NKX6-3: variants seen among roughly 807,000 people sequenced by gnomAD.
NKX6-3 encodes homeobox protein Nkx-6.3.
A neutral mutation model predicts 22.0 loss-of-function variants in NKX6-3; 17 were observed. That is an observed-to-expected ratio of 0.77 (90% CI 0.53 to 1.16). The LOEUF (loss-of-function observed/expected upper bound fraction) is 1.16. NKX6-3 is among the 50% of genes most tolerant of loss of function. The pLI is 0.00. For missense variants in NKX6-3, 363 were observed against 359.0 expected (o/e 1.01, Z -0.09); for synonymous variants, 177 against 167.2 (o/e 1.06, Z -0.45).
chr8:41,650,044 C>CA lies in NKX6-3; in HGVS notation c.382+66_382+67insT. ...GTGCAGGGTGCCCGGGAGGAGGCCCCTCCTCGTCCTCTGCCCCCCGGGGCC... is the reference window on the plus strand; with the variant it reads ...GTGCAGGGTGCCCGGGAGGAGGCCCCATCCTCGTCCTCTGCCCCCCGGGGCC... On this transcript the variant is annotated intron_variant, in intron 1 of 2. Transcript: ENST00000518699. 6 of 1,468,866 alleles carry CA rather than the reference C, an allele frequency of 4.1e-6. No individual in the cohort carries two copies. In the South Asian group the frequency reaches 6.8e-5, roughly 17 times the overall value. The allele number at this position is 1,468,866 out of a possible 1,614,324, so 91.0% of individuals were successfully genotyped here.
chr8:41,649,561 A>G (rs1804273908), intron 1 of NKX6-3, among the ~76,000 whole-genome samples: 1 of 152,148 alleles, frequency 6.6e-6, no homozygotes, highest in Non-Finnish European at 1.5e-5. Flanking sequence ...TCCCCGAGAC[A>G]GGCTACTTGG....
Position 41,646,663 on chromosome 8 carries a change from C to A in NKX6-3, c.584G>T (p.Arg195Leu). The change falls in exon 3 of 3, where the codon CGG becomes CTG. Residue 195 changes from arginine (R) to leucine (L), a missense_variant. Around this residue, in one of 3 missense-constraint regions of NKX6-3, gnomAD observed 169 missense variants for 155.8 expected, o/e 1.08. Transcript: ENST00000518699. ...CGAGGGCTCCAGGGCGCTCTTCTTC[C>A]GCCACTTGGTCCTGCGGTTCTGGAA... Reference protein sequence around the residue: ...VWFQNRRTKWRKKSALEPSSS... With the variant: ...VWFQNRRTKWLKKSALEPSSS... 1 of 1,544,938 alleles carries A rather than the reference C, an allele frequency of 6.5e-7. No homozygotes were observed.
chr8:41,646,921 C>T (rs1328574430), intron 2 of NKX6-3, among the ~76,000 whole-genome samples: 1 of 27,388 alleles, frequency 3.7e-5, no homozygotes, highest in Non-Finnish European at 7.9e-5. Context: ...CCTCCTCCCC[C>T]TCTCCCTCCC....
In NKX6-3 at chr8:41,647,091, T is replaced by A. The variant is rs1804227785; in HGVS notation, c.553-397A>T. 2.3e-6 allele frequency: 3 copies of A among 1,324,808 alleles called. No individual in the cohort carries two copies. In the Middle Eastern group the frequency reaches 5.7e-4, roughly 251 times the overall value. 82.1% of individuals were successfully genotyped at this position (1,324,808 alleles called of 1,614,324 possible). On this transcript the variant is annotated intron_variant, in intron 2 of 2. Transcript: ENST00000518699. Reference sequence around the variant, plus strand: ...CTTATGAGCAGTCCCTACTCTGGGCTTCATAGACCCTCACCCTACTTCATA... The same window carrying A: ...CTTATGAGCAGTCCCTACTCTGGGCATCATAGACCCTCACCCTACTTCATA...
chr8:41,646,923 CTCCCTCCCCCTCCCCCT>C (rs1412251314), intron 2 of NKX6-3, among the ~76,000 whole-genome samples: 1 of 22,558 alleles, frequency 4.4e-5, no homozygotes, highest in African/African-American at 2.0e-4. Context: ...TCCTCCCCCT[CTCCCTCCCCCTCCCCCT>C]CCCCTCCCCC....
chr8:41,647,940 G>A lies in NKX6-3; in HGVS notation c.552+126C>T, dbSNP rs1804245593. The stretch of plus-strand genomic sequence containing the variant: ...CTCCAGGGTTAGGCAGGCAGGCAGT[G>A]CCCAGACACCAGGACAGCTGCCCTC... On this transcript the variant is annotated intron_variant, in intron 2 of 2. Transcript: ENST00000518699. 5.6e-5 allele frequency: 45 copies of A among 810,310 alleles called. No homozygotes were observed. In the East Asian group the frequency reaches 1.2e-3, roughly 22 times the overall value. 50.2% of individuals were successfully genotyped at this position (810,310 alleles called of 1,614,324 possible).
At position 41,646,573 on chromosome 8, in the gene NKX6-3, T is replaced by G; in HGVS notation, c.674A>C (p.Glu225Ala). Residue 225 changes from glutamate to alanine, a missense_variant, in exon 3 of 3, where the codon GAG (glutamate) becomes GCG (alanine). By Grantham distance (107) the Glu-to-Ala change is moderately radical (BLOSUM62 -1). Coordinates refer to ENST00000518699, the MANE Select transcript of NKX6-3 (RefSeq NM_001364841.2). The stretch of plus-strand genomic sequence containing the variant: ...CTTGTTGTACTCGTCGTCCTCGTTC[T>G]CCGAGGGTGCGCGGTCCCCGCCTGC... ...AGAGGDRAPS[E>A]NEDDEYNKPL... The G allele has an allele frequency of 6.3e-7, 1 of 1,598,214 alleles. No homozygotes were observed. Among genetic ancestry groups the G allele is most frequent in the Non-Finnish European group, 8.5e-7 (1 of 1,173,014 alleles).
chr8:41,647,262 C>A lies in NKX6-3; in HGVS notation c.553-568G>T, dbSNP rs143818219. 7 of 1,609,888 alleles carry A rather than the reference C, an allele frequency of 4.3e-6. 1 individual carries two copies. The South Asian group carries it at 7.7e-5, about 18-fold the overall frequency. ...CAGCTCTCGCCCCAGGGCAGCTGAG[C>A]GGCTGATGAGGAGGGCGCAGCGGGT... is the stretch of plus-strand genomic sequence containing the variant. On this transcript the variant is annotated intron_variant, in intron 2 of 2. Coordinates refer to ENST00000518699, the MANE Select transcript of NKX6-3 (RefSeq NM_001364841.2).
chr8:41,646,405 C>A lies in NKX6-3; in HGVS notation c.*44G>T. On this transcript the variant is annotated 3_prime_UTR_variant, in exon 3 of 3. Coordinates refer to ENST00000518699, the MANE Select transcript of NKX6-3 (RefSeq NM_001364841.2). ...AGGGGAAGGTAGGCTCCTCGGCGTC[C>A]CCCCGCAGGCTGCAGCCAGGATCCC... The A allele has an allele frequency of 2.6e-6, 4 of 1,551,278 alleles. No individual in the cohort carries two copies. Among genetic ancestry groups the A allele is most frequent in the Non-Finnish European group, 3.5e-6 (4 of 1,153,692 alleles).
At chr8:41,648,397 C>T (rs1804254059) in intron 1 of NKX6-3, among the ~76,000 whole-genome samples, 162 bp from the exon 2 acceptor site, 1 of 152,160 alleles carries the variant, frequency 6.6e-6, no homozygotes, top group African/African-American at 2.4e-5. Flanking sequence ...TATTGGGGAA[C>T]AGTGACTGTG....
intron 2 of NKX6-3, chr8:41,647,141 G>A: frequency 6.3e-7 from 1 of 1,585,276 alleles, no homozygotes; most frequent in Non-Finnish European, 8.6e-7. Context: ...TAGTTAGTTA[G>A]AAAAGTAACG....
intron 1 of NKX6-3, among the ~76,000 whole-genome samples, chr8:41,648,728 C>G (rs1222129643): frequency 6.6e-6 from 1 of 152,248 alleles, no homozygotes; most frequent in Admixed American, 6.5e-5. Context: ...GCTGCCACTT[C>G]CCCATGTCAC....
intron 2 of NKX6-3, chr8:41,647,066 C>A: frequency 2.9e-6 from 3 of 1,042,952 alleles, no homozygotes; most frequent in Non-Finnish European, 2.9e-6. Flanking sequence ...TTGGAAGGTG[C>A]TTATGAGCAG....
In NKX6-3 at chr8:41,648,126, C is replaced by A; in HGVS notation, c.492G>T (p.Leu164Phe). 6.5e-7 allele frequency: 1 copy of A among 1,537,890 alleles called. No homozygotes were observed. The highest frequency in any genetic ancestry group is 8.7e-7 in the Non-Finnish European group (1 of 1,146,874). Residue 164 changes from leucine (L) to phenylalanine (F), a missense_variant, in exon 2 of 3, where the codon TTG (leucine) becomes TTT (phenylalanine). By Grantham distance (22) the Leu-to-Phe change is conservative. Transcript: ENST00000518699. ...CCAGCCGTGCCCTCTCGGGGCCAGCCAAGTACTTGGTCTGCTCAAAGGTTT... is the reference window on the plus strand; with the variant it reads ...CCAGCCGTGCCCTCTCGGGGCCAGCAAAGTACTTGGTCTGCTCAAAGGTTT... The part of the protein sequence containing the change: ...LEKTFEQTKY[L>F]AGPERARLAY...
chr8:41,648,521 G>T (rs1804255889), intron 1 of NKX6-3, among the ~76,000 whole-genome samples: 1 of 152,226 alleles, frequency 6.6e-6, no homozygotes, highest in South Asian at 2.1e-4. Flanking sequence ...AATACTCGCT[G>T]ATGTTGCCTT....
chr8:41,650,307 G>C lies in NKX6-3; in HGVS notation c.186C>G (p.Pro62=). The change falls in exon 1 of 3, where the codon CCC becomes CCG. Residue 62 remains proline, a synonymous_variant. Coordinates refer to ENST00000518699, the MANE Select transcript of NKX6-3 (RefSeq NM_001364841.2). The stretch of plus-strand genomic sequence containing the variant: ...GGAGGCTGTTGTTCGGCGCAGCCAC[G>C]GGCCTGCTCAGGATGTCCGTGATCC... ...PHGITDILSR[P]VAAPNNSLLS... 1.3e-6 allele frequency: 2 copies of C among 1,534,912 alleles called. No homozygotes were observed. The highest frequency in any genetic ancestry group is 8.7e-7 in the Non-Finnish European group (1 of 1,146,276).
Position 41,646,493 on chromosome 8 carries a change from G to C in NKX6-3, c.754C>G (p.Arg252Gly). The stretch of plus-strand genomic sequence containing the variant: ...AGGCTGAGCACCGAGAAGGCGGCGC[G>C]GTGCTTGCGCAGCAGCAGGCGGATC... ...EKIRLLLRKH[R>G]AAFSVLSLGA... The change falls in exon 3 of 3, where the codon CGC becomes GGC. Residue 252 changes from arginine (R) to glycine (G), a missense_variant. Physicochemically the swap from Arg to Gly is moderately radical, Grantham distance 125 (BLOSUM62 -2). Coordinates refer to ENST00000518699, the MANE Select transcript of NKX6-3 (RefSeq NM_001364841.2). The C allele has an allele frequency of 6.2e-7, 1 of 1,609,966 alleles. No individual in the cohort carries two copies.
Position 41,650,081 on chromosome 8 carries a change from G to A in NKX6-3, c.382+30C>T, listed in dbSNP as rs114042023. 1,294 of 1,512,228 alleles carry A rather than the reference G, an allele frequency of 8.6e-4. 16 individuals carry two copies. The African/African-American group carries it at 0.016, about 19-fold the overall frequency. 93.7% of individuals were successfully genotyped at this position (1,512,228 alleles called of 1,614,324 possible). A position where few individuals can be genotyped will look rare whatever the true frequency, so the allele number is the denominator to read the frequency against. Reference sequence around the variant, plus strand: ...TGCCCCCCGGGGCCTGGCGGGTGCCGGGAGGTGGCTGGGGAGGACCCGTAC... The same window carrying A: ...TGCCCCCCGGGGCCTGGCGGGTGCCAGGAGGTGGCTGGGGAGGACCCGTAC... On this transcript the variant is annotated intron_variant, in intron 1 of 2. Transcript: ENST00000518699.
chr8:41,646,806 C>G (rs1351483778), intron 2 of NKX6-3, 112 bp from the exon 3 acceptor site: 2 of 1,406,138 alleles, frequency 1.4e-6, no homozygotes, highest in East Asian at 5.1e-5. Context: ...GTGACTGTCA[C>G]ATTCACGTTT....
Sources: allele counts gnomAD v4.1 joint callset (sites outside exome capture counted in the v4.1 genomes callset), GRCh38; gene constraint gnomAD v4.1.1; regional missense constraint gnomAD v4.1.1; transcripts MANE v1.5; gene names NCBI Gene and HGNC (gene_info 2026-07-23, HGNC 2026-07-21).